Variants in VRK2 observed in about 807,000 individuals in gnomAD.
The protein encoded by VRK2 is serine/threonine-protein kinase VRK2.
In VRK2, 60 loss-of-function variants were observed where a neutral mutation model predicts 57.6. That is an observed-to-expected ratio of 1.04 (90% confidence interval 0.85 to 1.29). The LOEUF (loss-of-function observed/expected upper bound fraction) is 1.29. Among genes scored for constraint, VRK2 ranks in the 50% most tolerant of loss-of-function variants. The pLI is 0.00. For synonymous variants in VRK2, 231 were observed against 199.2 expected, an observed-to-expected ratio of 1.16 and a Z score of -1.35; for missense variants, 705 against 588.1, an observed-to-expected ratio of 1.20 and a Z score of -2.06.
intron 2 of VRK2, among the ~76,000 whole-genome samples, chr2:58,063,073 G>T (rs1677591523): frequency 6.6e-6 from 1 of 151,898 alleles, no homozygotes; most frequent in Admixed American, 6.6e-5. Flanking sequence ...AAATCCTAAG[G>T]CCCTTAAGAA....
chr2:58,122,244 G>C (rs1047302957), intron 7 of VRK2, among the ~76,000 whole-genome samples: 2 of 152,092 alleles, frequency 1.3e-5, no homozygotes, highest in African/African-American at 4.8e-5. Context: ...ATAACATTAG[G>C]TTTACAGTTG....
At chr2:58,088,183 A>T (rs534578331) in intron 5 of VRK2, among the ~76,000 whole-genome samples, 158 bp from the exon 6 acceptor site, 2 of 152,374 alleles carry the variant, frequency 1.3e-5, no homozygotes, top group Admixed American at 6.5e-5. Context: ...TCTGCAAAAG[A>T]ATAGCAGAAT....
chr2:58,135,059 C>T (rs949944384), intron 9 of VRK2, 82 bp from the exon 10 acceptor site: 1 of 1,479,530 alleles, frequency 6.8e-7, no homozygotes, highest in African/African-American at 1.4e-5. Flanking sequence ...GACCTACCAA[C>T]ACATAGAGTG....
chr2:58,031,662 A>C (rs1159995609), intron 2 of VRK2, among the ~76,000 whole-genome samples: 1 of 152,102 alleles, frequency 6.6e-6, no homozygotes, highest in Non-Finnish European at 1.5e-5. Context: ...CCATTCTCTG[A>C]AAATCTAGGT....
rs368545769 is a variant in VRK2, at chr2:57,946,628, G to C, written c.-439+38789G>C. 3.5e-4 allele frequency among the ~76,000 whole-genome samples: 53 copies of C among 152,124 alleles called. 1 individual carries two copies. The South Asian group carries it at 0.01, about 30-fold the overall frequency. On this transcript the variant is annotated intron_variant, in intron 1 of 15. Transcript: ENST00000417641. The stretch of plus-strand genomic sequence containing the variant: ...ATTATCAATCAATTGGTATTTCATA[G>C]GTCATATTTTGAGATTCAGTATTTT...
At chr2:58,068,226 C>T (rs1558590342) in intron 2 of VRK2, among the ~76,000 whole-genome samples, 1 of 152,096 alleles carries the variant, frequency 6.6e-6, no homozygotes, top group Non-Finnish European at 1.5e-5. Context: ...ACTTCAATAT[C>T]TTTCTTTAGA....
intron 12 of VRK2, among the ~76,000 whole-genome samples, chr2:58,152,550 T>A (rs1683231726): frequency 6.6e-6 from 1 of 151,922 alleles, no homozygotes; most frequent in South Asian, 2.1e-4. Flanking sequence ...GTTACTGAAA[T>A]TCTTTATTCC....
intron 6 of VRK2, 116 bp downstream of exon 6, chr2:58,088,562 C>A: frequency 1.2e-6 from 1 of 832,564 alleles, no homozygotes; most frequent in Non-Finnish European, 2.0e-6. Context: ...CTAGAGACAT[C>A]AGTTATTAGG....
chr2:58,091,109 C>T (rs1672313338), intron 7 of VRK2, among the ~76,000 whole-genome samples: 1 of 152,142 alleles, frequency 6.6e-6, no homozygotes, highest in African/African-American at 2.4e-5. Context: ...GTCAGTGAAA[C>T]TATTCTGCAT....
At chr2:58,004,669 A>C (rs1673190479) in intron 1 of VRK2, among the ~76,000 whole-genome samples, 1 of 152,192 alleles carries the variant, frequency 6.6e-6, no homozygotes, top group Non-Finnish European at 1.5e-5. Flanking sequence ...TTTTTAAATT[A>C]TGTCCTCTGC....
At chr2:57,980,852 G>A (rs182022903) in intron 1 of VRK2, among the ~76,000 whole-genome samples, 44 of 151,902 alleles carry the variant, frequency 2.9e-4, no homozygotes, top group African/African-American at 1.1e-3. Flanking sequence ...GAATAGCAAC[G>A]CTTGCTTTTT....
chr2:57,937,156 A>T (rs985256590), intron 1 of VRK2, among the ~76,000 whole-genome samples: 7 of 152,212 alleles, frequency 4.6e-5, no homozygotes, highest in Non-Finnish European at 7.3e-5. Flanking sequence ...TTCAGAAGCA[A>T]TAGAAATGAA....
chr2:57,913,359 T>C (rs1446686395), intron 1 of VRK2, among the ~76,000 whole-genome samples: 2 of 152,230 alleles, frequency 1.3e-5, no homozygotes, highest in African/African-American at 4.8e-5. Flanking sequence ...CTTTTTAAAT[T>C]ACTTCCTACA....
intron 1 of VRK2, among the ~76,000 whole-genome samples, chr2:57,997,147 A>G (rs1672950201): frequency 6.6e-6 from 1 of 152,072 alleles, no homozygotes; most frequent in African/African-American, 2.4e-5. Context: ...AAAATAGATA[A>G]TCGATTTTGT....
chr2:58,088,256 G>A (rs151300938), intron 5 of VRK2, 85 bp from the exon 6 acceptor site: 7 of 936,688 alleles, frequency 7.5e-6, no homozygotes, highest in African/African-American at 3.3e-5. Context: ...TAGGTTGAGC[G>A]TAATTTTTCT....
intron 1 of VRK2, among the ~76,000 whole-genome samples, chr2:58,003,727 C>G (rs1038556318): frequency 6.6e-6 from 1 of 152,138 alleles, no homozygotes; most frequent in African/African-American, 2.4e-5. Flanking sequence ...TTCTTCTCAT[C>G]ATATACCATG....
At chr2:58,146,249 T>TA in intron 11 of VRK2, 67 bp from the exon 12 acceptor site, 1 of 1,353,068 alleles carries the variant, frequency 7.4e-7, no homozygotes, top group Non-Finnish European at 9.9e-7. Flanking sequence ...AATCTGGACA[T>TA]ATATGCATTT....
At chr2:58,085,625 G>C (rs1352070947) in intron 4 of VRK2, among the ~76,000 whole-genome samples, 1 of 151,926 alleles carries the variant, frequency 6.6e-6, no homozygotes, top group Non-Finnish European at 1.5e-5. Context: ...TTAAGAATAA[G>C]AGTGATGGGT....
intron 7 of VRK2, among the ~76,000 whole-genome samples, chr2:58,115,766 A>C (rs556413008): frequency 6.6e-6 from 1 of 152,338 alleles, no homozygotes; most frequent in South Asian, 2.1e-4. Flanking sequence ...GACTGAAGTA[A>C]CGGGGGCTGT....
Sources: allele counts gnomAD v4.1 joint callset (sites outside exome capture counted in the v4.1 genomes callset), GRCh38; gene constraint gnomAD v4.1.1; transcripts MANE v1.5; gene names NCBI Gene and HGNC (gene_info 2026-07-23, HGNC 2026-07-21).